Variants in CFH observed in about 807,000 individuals in gnomAD.
CFH encodes H factor 1 (complement).
In CFH, 53 loss-of-function variants were observed where a neutral mutation model predicts 147.3. The observed-to-expected ratio is 0.36, with a 90% CI of 0.29 to 0.45. The LOEUF (loss-of-function observed/expected upper bound fraction) is 0.45. Among genes scored for constraint, CFH ranks in the 20% least tolerant of loss-of-function variants. The pLI, the probability that CFH is intolerant of heterozygous loss-of-function variation, is 1.00. For missense variants in CFH, 1,380 were observed against 1,498.0 expected (o/e 0.92, Z 1.30); for synonymous variants, 536 against 489.4 (o/e 1.10, Z -1.26).
intron 11 of CFH, 109 bp from the exon 12 acceptor site, chr1:196,725,012 G>GC: frequency 1.2e-6 from 1 of 812,998 alleles, no homozygotes; most frequent in East Asian, 2.7e-5. Flanking sequence ...TTTATCTGAT[G>GC]CCCCTCTGTA....
chr1:196,671,587 T>TACCCACAC (rs1667279251), intron 1 of CFH, among the ~76,000 whole-genome samples: 1 of 129,492 alleles, frequency 7.7e-6, no homozygotes, highest in Non-Finnish European at 1.7e-5. Flanking sequence ...AAAAGACTAA[T>TACCCACAC]ACACACACAC....
At chr1:196,724,641 C>A (rs1348570454) in intron 11 of CFH, among the ~76,000 whole-genome samples, 1 of 151,914 alleles carries the variant, frequency 6.6e-6, no homozygotes, top group African/African-American at 2.4e-5. Flanking sequence ...CGCTCCTGCA[C>A]CCTCTCTTAA....
chr1:196,692,810 C>G (rs1214240452), intron 9 of CFH, among the ~76,000 whole-genome samples: 1 of 57,370 alleles, frequency 1.7e-5, no homozygotes, highest in African/African-American at 6.2e-5. Flanking sequence ...TTCTTTCTTT[C>G]TTTCTTTCTT....
intron 9 of CFH, among the ~76,000 whole-genome samples, chr1:196,702,683 T>C (rs574267855): frequency 2.7e-4 from 41 of 152,238 alleles, no homozygotes; most frequent in Non-Finnish European, 5.3e-4. Context: ...AAAAGGCTGA[T>C]CTTATTCACA....
intron 9 of CFH, among the ~76,000 whole-genome samples, chr1:196,696,826 A>C (rs533681988): frequency 3.3e-5 from 5 of 152,338 alleles, no homozygotes; most frequent in South Asian, 2.1e-4. Flanking sequence ...AATGGAACAG[A>C]ACAGAGCCTT....
intron 7 of CFH, among the ~76,000 whole-genome samples, chr1:196,686,227 A>G (rs1315324831): frequency 6.6e-6 from 1 of 152,128 alleles, no homozygotes; most frequent in Non-Finnish European, 1.5e-5. Flanking sequence ...GAGCCAAACC[A>G]TATCAATTAT....
At chr1:196,669,727 G>A (rs935054261) in intron 1 of CFH, among the ~76,000 whole-genome samples, 2 of 152,198 alleles carry the variant, frequency 1.3e-5, no homozygotes, top group African/African-American at 4.8e-5. Flanking sequence ...ACCTCTACTA[G>A]GGCAATGAGC....
intron 4 of CFH, 29 bp from the exon 5 acceptor site, chr1:196,677,447 T>C (rs1667493106): frequency 1.2e-5 from 19 of 1,597,566 alleles, no homozygotes; most frequent in Admixed American, 1.7e-5. Context: ...TAAAATTCCA[T>C]TAGAAAACAT....
chr1:196,709,475 G>A (rs7522681), intron 9 of CFH, among the ~76,000 whole-genome samples: 94,663 of 151,890 alleles, frequency 0.62, 30,029 homozygotes, highest in East Asian at 0.93. Context: ...GCCATTGCCC[G>A]ATTCATACCA....
chr1:196,690,012 A>T, intron 8 of CFH, 51 bp from the exon 9 acceptor site: 1 of 1,519,516 alleles, frequency 6.6e-7, no homozygotes, highest in Non-Finnish European at 9.0e-7. Flanking sequence ...ATTTTGAGCA[A>T]ATTTATGTTT....
chr1:196,732,164 C>A (rs765105033), intron 15 of CFH, among the ~76,000 whole-genome samples: 1 of 151,884 alleles, frequency 6.6e-6, no homozygotes, highest in Non-Finnish European at 1.5e-5. Context: ...CTTAAGCTAT[C>A]TTCACTTTTA....
intron 4 of CFH, among the ~76,000 whole-genome samples, chr1:196,676,464 G>A (rs1312792122): frequency 2.6e-5 from 4 of 152,012 alleles, no homozygotes; most frequent in African/African-American, 9.7e-5. Flanking sequence ...TGGAGAACGT[G>A]ATTGAGACCT....
rs41265217 is a variant in CFH at position 196,745,878 on chromosome 1, G to T, written c.3372G>T (p.Pro1124=). 3 of 1,614,064 alleles carry T rather than the reference G, an allele frequency of 1.9e-6. No individual in the cohort carries two copies. The highest frequency in any genetic ancestry group is 2.5e-6 in the Non-Finnish European group (3 of 1,179,998). ...ACAATGGGGACATTACTTCATTCCC[G>T]TTGTCAGTATATGCTCCAGCTTCAT... The part of the protein sequence containing the change: ...PIDNGDITSF[P]LSVYAPASSV... Residue 1124 remains proline, a synonymous_variant, in exon 21 of 22, where the codon CCG becomes CCT. Transcript: ENST00000367429.
At chr1:196,688,292 T>C (rs1366932533) in intron 7 of CFH, among the ~76,000 whole-genome samples, 1 of 152,066 alleles carries the variant, frequency 6.6e-6, no homozygotes, top group Non-Finnish European at 1.5e-5. Context: ...TCAAAATTAA[T>C]ATATAATAAC....
intron 9 of CFH, among the ~76,000 whole-genome samples, chr1:196,710,527 T>A (rs1573050705): frequency 6.6e-6 from 1 of 152,168 alleles, no homozygotes; most frequent in Admixed American, 6.6e-5. Flanking sequence ...AGTCTTAAAA[T>A]TTGGTAATGT....
chr1:196,695,020 T>C (rs878948041), intron 9 of CFH, among the ~76,000 whole-genome samples: 16 of 152,224 alleles, frequency 1.1e-4, no homozygotes, highest in Non-Finnish European at 1.8e-4. Flanking sequence ...TAGATCCCAT[T>C]TGTCAATTTT....
intron 1 of CFH, 47 bp from the exon 2 acceptor site, chr1:196,672,931 A>C: frequency 6.6e-7 from 1 of 1,513,720 alleles, no homozygotes; most frequent in Non-Finnish European, 9.1e-7. Context: ...TATACTGTAC[A>C]TTTAAATAGA....
chr1:196,733,744 C>T (rs924404932), intron 15 of CFH, among the ~76,000 whole-genome samples: 1 of 152,012 alleles, frequency 6.6e-6, no homozygotes, highest in African/African-American at 2.4e-5. Context: ...TGTGGACAAA[C>T]TTGTTCTAAG....
At chr1:196,712,740 A>G (rs534616486) in intron 9 of CFH, among the ~76,000 whole-genome samples, 162 of 148,266 alleles carry the variant, frequency 1.1e-3, no homozygotes, top group Non-Finnish European at 2.0e-3. Flanking sequence ...AGCATTACGT[A>G]TATCTCCTAA....
Sources: allele counts gnomAD v4.1 joint callset (sites outside exome capture counted in the v4.1 genomes callset), GRCh38; gene constraint gnomAD v4.1.1; transcripts MANE v1.5; gene names NCBI Gene and HGNC (gene_info 2026-07-23, HGNC 2026-07-21).